RAB2B: variants seen among roughly 807,000 people sequenced by gnomAD.
The protein encoded by RAB2B is ras-related protein Rab-2B.
Under a neutral mutation model 29.8 loss-of-function variants are expected in RAB2B, and 20 were observed. That is an observed-to-expected ratio of 0.67 (90% confidence interval 0.47 to 0.97). The LOEUF (loss-of-function observed/expected upper bound fraction) is 0.97. Ranked by LOEUF, RAB2B falls within the 50% of genes least tolerant of loss-of-function variation. RAB2B has a pLI of 0.00. For synonymous variants in RAB2B, 93 were observed against 91.7 expected, an observed-to-expected ratio of 1.01 and a Z score of -0.08; for missense variants, 218 against 272.0, an observed-to-expected ratio of 0.80 and a Z score of 1.40.
chr14:21,463,773 A>G lies in RAB2B; in HGVS notation c.363-6T>C, dbSNP rs774144364. 9.1e-6 allele frequency: 14 copies of G among 1,537,932 alleles called. No individual in the cohort carries two copies. In the South Asian group the frequency reaches 1.5e-4, roughly 17 times the overall value. On this transcript the variant is annotated splice_region_variant and splice_polypyrimidine_tract_variant and intron_variant, in intron 5 of 7. Coordinates refer to ENST00000397762, the MANE Select transcript of RAB2B (RefSeq NM_032846.4). ...CCCTGCGGGACTCTAGGTCACTGCA[A>G]GAGATTAATTAAGGAGAAAATTTAA...
chr14:21,463,522 C>T (rs1325331100), intron 6 of RAB2B, 134 bp downstream of exon 6: 1 of 658,170 alleles, frequency 1.5e-6, no homozygotes. Flanking sequence ...GCTAGGATTA[C>T]AGGCATGAGC....
intron 3 of RAB2B, among the ~76,000 whole-genome samples, chr14:21,471,569 G>A (rs1890814862): frequency 6.8e-6 from 1 of 147,404 alleles, no homozygotes; most frequent in African/African-American, 2.5e-5. Context: ...AATGAGTGGA[G>A]ATGGTGCCAC....
chr14:21,476,337 A>G lies in RAB2B; in HGVS notation c.118+191T>C, dbSNP rs1232525683. The G allele has an allele frequency of 1.2e-5, 7 of 606,410 alleles. No individual in the cohort carries two copies. In the Admixed American group the frequency reaches 1.2e-4, roughly 10 times the overall value. 37.6% of individuals were successfully genotyped at this position (606,410 alleles called of 1,614,324 possible). ...CACTCTAAAAAGTTACCTTTCAATT[A>G]TATACTCTCCCTTACACTACTCCCC... On this transcript the variant is annotated intron_variant, in intron 2 of 7. Coordinates refer to ENST00000397762, the MANE Select transcript of RAB2B (RefSeq NM_032846.4).
At chr14:21,475,915 A>G (rs1211466218) in intron 2 of RAB2B, among the ~76,000 whole-genome samples, 2 of 152,200 alleles carry the variant, frequency 1.3e-5, no homozygotes, top group Admixed American at 6.5e-5. Context: ...CTAGTTTCAT[A>G]TATGTTGTTT....
At chr14:21,474,961 T>C (rs1454384984) in intron 2 of RAB2B, 27 bp from the exon 3 acceptor site, 7 of 1,604,818 alleles carry the variant, frequency 4.4e-6, no homozygotes, top group South Asian at 1.1e-5. Context: ...AGAGAAAGAA[T>C]GTGATTCTCA....
In RAB2B at chr14:21,459,917, CA is replaced by C. The variant is rs2139587772; in HGVS notation, c.*1278del. The C allele has an allele frequency of 3.2e-6, 1 of 316,484 alleles. No homozygotes were observed. Among genetic ancestry groups the C allele is most frequent in the East Asian group, 7.6e-5 (1 of 13,150 alleles). 19.6% of individuals were successfully genotyped at this position (316,484 alleles called of 1,614,324 possible). ...GAAGTCTATCTGGTGAAAGACACTA[CA>C]ATGTTAGATCTGGCCCCTAAAATAA... On this transcript the variant is annotated 3_prime_UTR_variant, in exon 8 of 8. Transcript: ENST00000397762.
At chr14:21,471,143 A>G (rs7157640) in intron 3 of RAB2B, among the ~76,000 whole-genome samples, 107,680 of 151,574 alleles carry the variant, frequency 0.71, 39,574 homozygotes, top group South Asian at 0.87. Flanking sequence ...ATTGCACTCC[A>G]GCCTGGGCAA....
At chr14:21,468,240 T>A (rs896275901) in intron 5 of RAB2B, 117 bp downstream of exon 5, 73 of 293,182 alleles carry the variant, frequency 2.5e-4, no homozygotes, top group Non-Finnish European at 3.2e-4. Context: ...CACAACAAAA[T>A]TTTTTTTTTT....
At position 21,460,586 on chromosome 14, in the gene RAB2B, CA is replaced by C. The variant is rs1167085907; in HGVS notation, c.*609del. On this transcript the variant is annotated 3_prime_UTR_variant, in exon 8 of 8. Coordinates refer to ENST00000397762, the MANE Select transcript of RAB2B (RefSeq NM_032846.4). ...GAGACAGAGTGAGACTCCATCCCCC[CA>C]AAAAAAAAAAAAAAAAAAGAAAAAA... 3 of 119,956 alleles carry C rather than the reference CA, an allele frequency of 2.5e-5. No individual in the cohort carries two copies. Among genetic ancestry groups the C allele is most frequent in the Non-Finnish European group, 3.2e-5 (2 of 61,620 alleles). 7.4% of individuals were successfully genotyped at this position (119,956 alleles called of 1,614,324 possible).
At chr14:21,470,661 G>C (rs1890786998) in intron 3 of RAB2B, among the ~76,000 whole-genome samples, 1 of 151,958 alleles carries the variant, frequency 6.6e-6, no homozygotes. Context: ...ACGTTATTTG[G>C]GTCTTGTTTT....
At chr14:21,469,070 A>T (rs1019839747) in intron 3 of RAB2B, among the ~76,000 whole-genome samples, 2 of 151,106 alleles carry the variant, frequency 1.3e-5, no homozygotes, top group Admixed American at 1.3e-4. Context: ...CACGATAAAG[A>T]CGATGAAGAC....
At chr14:21,471,997 A>G (rs944975486) in intron 3 of RAB2B, among the ~76,000 whole-genome samples, 3 of 152,058 alleles carry the variant, frequency 2.0e-5, no homozygotes, top group Non-Finnish European at 4.4e-5. Context: ...TTGATAAGAT[A>G]ATTAATAGCT....
intron 5 of RAB2B, among the ~76,000 whole-genome samples, chr14:21,467,663 G>A (rs916864975): frequency 6.6e-5 from 10 of 152,176 alleles, no homozygotes; most frequent in Admixed American, 6.5e-4. Flanking sequence ...ATGGTATGGT[G>A]GTTCTTCAAA....
At chr14:21,470,400 T>C (rs1372660179) in intron 3 of RAB2B, among the ~76,000 whole-genome samples, 2 of 152,168 alleles carry the variant, frequency 1.3e-5, no homozygotes, top group East Asian at 3.9e-4. Context: ...TCTTAGCCAC[T>C]ATATCATATA....
intron 3 of RAB2B, among the ~76,000 whole-genome samples, chr14:21,474,129 C>T (rs374171751): frequency 5.3e-5 from 8 of 152,116 alleles, no homozygotes; most frequent in African/African-American, 1.9e-4. Context: ...CGGTGGAGGT[C>T]GCGGTGAGCC....
intron 3 of RAB2B, among the ~76,000 whole-genome samples, chr14:21,469,975 G>T (rs1890770404): frequency 6.8e-6 from 1 of 147,832 alleles, no homozygotes; most frequent in Non-Finnish European, 1.5e-5. Flanking sequence ...TTTTTGAGAG[G>T]GAGTCTCGCT....
chr14:21,476,448 T>C (rs1409718031), intron 2 of RAB2B, 80 bp downstream of exon 2: 1 of 1,551,024 alleles, frequency 6.4e-7, no homozygotes, highest in East Asian at 2.3e-5. Context: ...CTTCGAACAC[T>C]GAAGGCTGCT....
At chr14:21,463,868 AT>A in intron 5 of RAB2B, 101 bp from the exon 6 acceptor site, 1 of 708,830 alleles carries the variant, frequency 1.4e-6, no homozygotes, top group South Asian at 1.7e-5. Flanking sequence ...ACTGCCAGTT[AT>A]TTCATAAAGA....
intron 5 of RAB2B, among the ~76,000 whole-genome samples, chr14:21,467,907 A>G (rs1353910485): frequency 1.3e-5 from 2 of 152,270 alleles, no homozygotes; most frequent in East Asian, 3.8e-4. Flanking sequence ...ACATGCTACA[A>G]TATGGATAAA....
Sources: allele counts gnomAD v4.1 joint callset (sites outside exome capture counted in the v4.1 genomes callset), GRCh38; gene constraint gnomAD v4.1.1; transcripts MANE v1.5; gene names NCBI Gene and HGNC (gene_info 2026-07-23, HGNC 2026-07-21).